Variants in ZCWPW2 observed in about 807,000 individuals in gnomAD.
The protein encoded by ZCWPW2 is zinc finger CW-type and PWWP domain containing 2.
In ZCWPW2, 45 loss-of-function variants were observed where a neutral mutation model predicts 46.6. The observed-to-expected ratio is 0.96, with a 90% CI of 0.76 to 1.24. The LOEUF is 1.24. Among genes scored for constraint, ZCWPW2 ranks in the 50% most tolerant of loss-of-function variants. The probability of loss-of-function intolerance (pLI) is 0.00; values close to 1 mark genes in which losing one functional copy is unlikely to be tolerated. For synonymous variants in ZCWPW2, 152 were observed against 137.1 expected (o/e 1.11, Z -0.76); for missense variants, 429 against 403.9 (o/e 1.06, Z -0.53).
At chr3:28,405,083 T>TA (rs892041913) in intron 2 of ZCWPW2, among the ~76,000 whole-genome samples, 8 of 152,232 alleles carry the variant, frequency 5.3e-5, no homozygotes, top group African/African-American at 1.9e-4. Context: ...ACATCTCACA[T>TA]AAAAAAAGAA....
Position 28,472,714 on chromosome 3 carries a change from T to G in ZCWPW2, c.493-6100T>G, listed in dbSNP as rs190446998. Among the ~76,000 whole-genome samples, 4 of 152,050 alleles carry G rather than the reference T, an allele frequency of 2.6e-5. No individual in the cohort carries two copies. The East Asian group carries it at 7.8e-4, about 29-fold the overall frequency. On this transcript the variant is annotated intron_variant, in intron 4 of 9. Transcript: ENST00000383768. Reference sequence around the variant, plus strand: ...CAAGCACAGGCAACCAAAGCAAAAGTGGACAAATTGGATAACATCAAGTTA... The same window carrying G: ...CAAGCACAGGCAACCAAAGCAAAAGGGGACAAATTGGATAACATCAAGTTA...
intron 5 of ZCWPW2, among the ~76,000 whole-genome samples, chr3:28,482,808 T>C (rs2125808226): frequency 6.6e-6 from 1 of 152,250 alleles, no homozygotes; most frequent in East Asian, 1.9e-4. Context: ...CTTTGGTGAG[T>C]TGTTTTCTGA....
At chr3:28,488,326 A>C (rs1575197133) in intron 5 of ZCWPW2, among the ~76,000 whole-genome samples, 1 of 152,100 alleles carries the variant, frequency 6.6e-6, no homozygotes, top group Admixed American at 6.6e-5. Flanking sequence ...CTGTGACCCC[A>C]CTTCTCCAAA....
Position 28,381,058 on chromosome 3 carries a change from A to AG in ZCWPW2, c.-133-9440_-133-9439insG, listed in dbSNP as rs1242609744. Among the ~76,000 whole-genome samples, 171 of 117,838 alleles carry AG rather than the reference A, an allele frequency of 1.5e-3. 38 individuals are homozygous for AG. The highest frequency in any genetic ancestry group is 0.012 in the Middle Eastern group (3 of 248). 77.3% of individuals were successfully genotyped at this position (117,838 alleles called of 152,430 possible). On this transcript the variant is annotated intron_variant, in intron 1 of 9. Transcript: ENST00000383768. ...ATATATATATATTTGGTGTATATAT[A>AG]TATATATATATATATATATATACAG...
intron 6 of ZCWPW2, among the ~76,000 whole-genome samples, chr3:28,500,772 A>G (rs1204437837): frequency 6.6e-6 from 1 of 152,118 alleles, no homozygotes; most frequent in Non-Finnish European, 1.5e-5. Flanking sequence ...AACTCACTTA[A>G]TTTATTTGGC....
chr3:28,353,473 G>A (rs1022199545), intron 1 of ZCWPW2, among the ~76,000 whole-genome samples: 1 of 152,142 alleles, frequency 6.6e-6, no homozygotes, highest in Non-Finnish European at 1.5e-5. Flanking sequence ...GCTGCTAAAG[G>A]AGAGCTTGTT....
chr3:28,470,600 A>T (rs1359538768), intron 4 of ZCWPW2, among the ~76,000 whole-genome samples: 1 of 152,078 alleles, frequency 6.6e-6, no homozygotes, highest in Admixed American at 6.6e-5. Flanking sequence ...ACAGTACTAA[A>T]AGGGAAGTTT....
chr3:28,455,657 T>C (rs140699052), intron 4 of ZCWPW2, among the ~76,000 whole-genome samples: 3 of 152,328 alleles, frequency 2.0e-5, no homozygotes, highest in Admixed American at 6.5e-5. Flanking sequence ...GAGTTAATTT[T>C]TGTAAATGGT....
chr3:28,447,538 A>G (rs1698041901), intron 4 of ZCWPW2, among the ~76,000 whole-genome samples: 1 of 152,182 alleles, frequency 6.6e-6, no homozygotes, highest in African/African-American at 2.4e-5. Flanking sequence ...ATGAAAACTC[A>G]TGGCAAACAT....
rs376055993 is a variant in ZCWPW2, at chr3:28,443,898, C to T, written c.492+8629C>T. 5.1e-4 allele frequency among the ~76,000 whole-genome samples: 77 copies of T among 152,220 alleles called. 1 individual carries two copies. The South Asian group carries it at 0.016, about 31-fold the overall frequency. On this transcript the variant is annotated intron_variant, in intron 4 of 9. Coordinates refer to ENST00000383768, the MANE Select transcript of ZCWPW2 (RefSeq NM_001040432.4). ...AGTAGGTCTAAGTGACTAATCCACTCCACCATCCCAATCTCCCTAAGCCTT... is the reference window on the plus strand; with the variant it reads ...AGTAGGTCTAAGTGACTAATCCACTTCACCATCCCAATCTCCCTAAGCCTT...
intron 4 of ZCWPW2, among the ~76,000 whole-genome samples, chr3:28,465,083 TA>T (rs1174924544): frequency 6.6e-6 from 1 of 152,258 alleles, no homozygotes; most frequent in African/African-American, 2.4e-5. Flanking sequence ...ATAATTTTTC[TA>T]AATGTAGTTT....
At chr3:28,443,968 C>T (rs1445296487) in intron 4 of ZCWPW2, among the ~76,000 whole-genome samples, 13 of 152,126 alleles carry the variant, frequency 8.5e-5, no homozygotes, top group Admixed American at 8.5e-4. Flanking sequence ...TAGGCACTTC[C>T]AGCTCACTCA....
chr3:28,474,512 A>G (rs1247330719), intron 4 of ZCWPW2, among the ~76,000 whole-genome samples: 2 of 152,032 alleles, frequency 1.3e-5, no homozygotes, highest in African/African-American at 4.8e-5. Context: ...TATATGCCAC[A>G]TATGTGGATA....
chr3:28,516,171 C>T (rs777814590), intron 8 of ZCWPW2, among the ~76,000 whole-genome samples: 11 of 149,048 alleles, frequency 7.4e-5, no homozygotes, highest in African/African-American at 1.7e-4. Flanking sequence ...GCCTGGGAGG[C>T]GGAGGTTGCA....
intron 2 of ZCWPW2, among the ~76,000 whole-genome samples, chr3:28,401,134 G>T (rs1263306796): frequency 6.6e-6 from 1 of 151,572 alleles, no homozygotes; most frequent in African/African-American, 2.4e-5. Flanking sequence ...AGCTGAGATT[G>T]CACCCCTGCA....
intron 1 of ZCWPW2, among the ~76,000 whole-genome samples, chr3:28,381,050 G>GTA (rs60041322): frequency 0.045 from 542 of 12,066 alleles, 97 homozygotes; most frequent in East Asian, 0.19. Context: ...TATATTTGGT[G>GTA]TATATATATA....
intron 1 of ZCWPW2, among the ~76,000 whole-genome samples, chr3:28,361,887 G>A (rs771761290): frequency 6.6e-6 from 1 of 152,048 alleles, no homozygotes; most frequent in African/African-American, 2.4e-5. Context: ...TGTTGGTGAG[G>A]ATGTGGAGAA....
chr3:28,372,050 C>G (rs1054418834), intron 1 of ZCWPW2, among the ~76,000 whole-genome samples: 3 of 151,624 alleles, frequency 2.0e-5, no homozygotes, highest in African/African-American at 7.3e-5. Flanking sequence ...CTTCCTGCCC[C>G]TCCTCCTCCT....
intron 4 of ZCWPW2, among the ~76,000 whole-genome samples, chr3:28,469,431 A>G (rs943971257): frequency 6.6e-6 from 1 of 152,138 alleles, no homozygotes; most frequent in East Asian, 1.9e-4. Flanking sequence ...GAGTGGCTGA[A>G]TGGATATAAA....
Sources: gnomAD v4.1 joint callset for allele counts (sites outside exome capture counted in the v4.1 genomes callset) on GRCh38, gnomAD v4.1.1 for gene constraint, MANE v1.5 for transcripts, NCBI Gene and HGNC (gene_info 2026-07-23, HGNC 2026-07-21) for gene names.